Variants in OGFOD1 observed in about 807,000 individuals in gnomAD.
The protein encoded by OGFOD1 is 2-oxoglutarate and iron dependent oxygenase domain containing 1.
In OGFOD1, 54 loss-of-function variants were observed where a neutral mutation model predicts 67.7. The ratio of observed to expected loss-of-function variants is 0.80; its 90% CI spans 0.64 to 1.00. OGFOD1 has a LOEUF of 1.00. OGFOD1 is among the 50% of genes least tolerant of loss of function. The pLI is 0.00. For missense variants in OGFOD1, 606 were observed against 646.7 expected (o/e 0.94, Z 0.68); for synonymous variants, 221 against 227.0 (o/e 0.97, Z 0.24).
At position 56,474,824 on chromosome 16, in the gene OGFOD1, T is replaced by C. The variant is rs778011313; in HGVS notation, c.1286-4T>C. 24 of 1,592,866 alleles carry C rather than the reference T, an allele frequency of 1.5e-5. No homozygotes were observed. Among genetic ancestry groups the C allele is most frequent in the Non-Finnish European group, 2.0e-5 (23 of 1,173,216 alleles). On this transcript the variant is annotated splice_region_variant and splice_polypyrimidine_tract_variant and intron_variant, in intron 10 of 12. Transcript: ENST00000566157. ...AAGTTTCTCATCTTTTTTTTTTTCC[T>C]TAGAATCAAGTGTTCCCATGTGCCA...
chr16:56,467,463 G>A (rs1354479284), intron 7 of OGFOD1, among the ~76,000 whole-genome samples, 170 bp downstream of exon 7: 36 of 135,756 alleles, frequency 2.7e-4, no homozygotes, highest in African/African-American at 8.2e-4. Context: ...GTCTTGCTCC[G>A]TCACCCAGGC....
chr16:56,470,879 C>A, intron 10 of OGFOD1, 88 bp downstream of exon 10: 1 of 1,293,196 alleles, frequency 7.7e-7, no homozygotes, highest in Non-Finnish European at 1.0e-6. Context: ...TATTGAGCAT[C>A]TACTGTGCCC....
In OGFOD1 at chr16:56,466,197, C is replaced by T. The variant is rs1237122501; in HGVS notation, c.494C>T (p.Ala165Val). 1.2e-6 allele frequency: 2 copies of T among 1,613,956 alleles called. No individual in the cohort carries two copies. Among genetic ancestry groups the T allele is most frequent in the Non-Finnish European group, 1.7e-6 (2 of 1,179,976 alleles). Reference protein sequence around the residue: ...HDDELEGRRIAFILYLVPPWD... With the variant: ...HDDELEGRRIVFILYLVPPWD... ...GATGAGCTGGAAGGGCGCCGGATTG[C>T]CTTCATCCTGTACCTGGTTCCTCCC... is the stretch of plus-strand genomic sequence containing the variant. The change falls in exon 5 of 13, where the codon GCC becomes GTC. Residue 165 changes from alanine to valine, a missense_variant. By Grantham distance (64) the Ala-to-Val change is moderately conservative (BLOSUM62 0). Coordinates refer to ENST00000566157, the MANE Select transcript of OGFOD1 (RefSeq NM_018233.4).
At chr16:56,462,802 A>C (rs1360333092) in intron 4 of OGFOD1, among the ~76,000 whole-genome samples, 168 bp downstream of exon 4, 1 of 152,228 alleles carries the variant, frequency 6.6e-6, no homozygotes, top group Non-Finnish European at 1.5e-5. Flanking sequence ...CCTTATTGGA[A>C]GGCATAAGCA....
chr16:56,457,599 C>CT (rs11374664), intron 2 of OGFOD1, among the ~76,000 whole-genome samples: 91,845 of 151,360 alleles, frequency 0.61, 28,805 homozygotes, highest in African/African-American at 0.76. Flanking sequence ...ACTCCAATGA[C>CT]TTTTTTTTTC....
chr16:56,471,543 A>G (rs1305694033), intron 10 of OGFOD1, among the ~76,000 whole-genome samples: 1 of 152,190 alleles, frequency 6.6e-6, no homozygotes, highest in Admixed American at 6.5e-5. Flanking sequence ...TTCAGCTTAG[A>G]TGTTTCAGCA....
Position 56,468,332 on chromosome 16 carries a change from C to A in OGFOD1, c.900+314C>A, listed in dbSNP as rs567008521. On this transcript the variant is annotated intron_variant, in intron 8 of 12. Transcript: ENST00000566157. The stretch of plus-strand genomic sequence containing the variant: ...TATTCATCTAACAAATATGGTGCTT[C>A]TTATTACTTTTAAAAATAGATTACT... 2.0e-5 allele frequency among the ~76,000 whole-genome samples: 3 copies of A among 152,238 alleles called. No individual in the cohort carries two copies. In the South Asian group the frequency reaches 6.2e-4, roughly 32 times the overall value.
At position 56,466,284 on chromosome 16, in the gene OGFOD1, G is replaced by C; in HGVS notation, c.565+16G>C. On this transcript the variant is annotated intron_variant, in intron 5 of 12. Coordinates refer to ENST00000566157, the MANE Select transcript of OGFOD1 (RefSeq NM_018233.4). ...AGCATTGATGGTAAGATAAGTATAA[G>C]TGCATGCACTTCACCACCAGTGGCA... The C allele has an allele frequency of 6.6e-7, 1 of 1,519,666 alleles. No individual in the cohort carries two copies. The highest frequency in any genetic ancestry group is 1.1e-5 in the South Asian group (1 of 88,668). 94.1% of individuals were successfully genotyped at this position (1,519,666 alleles called of 1,614,324 possible).
Position 56,467,947 on chromosome 16 carries a change from A to G in OGFOD1, c.829A>G (p.Met277Val), listed in dbSNP as rs755151930. ...YDWINPTYLD[M>V]DYQVQIQEEF... is the part of the protein sequence containing the mutation. ...TTGGATCAACCCTACTTATCTGGACATGGATTACCAAGTTCAAATTCAAGA... is the reference window on the plus strand; with the variant it reads ...TTGGATCAACCCTACTTATCTGGACGTGGATTACCAAGTTCAAATTCAAGA... Residue 277 changes from methionine (M) to valine (V), a missense_variant, in exon 8 of 13, where the codon ATG becomes GTG. By Grantham distance (21) the Met-to-Val change is conservative. Coordinates refer to ENST00000566157, the MANE Select transcript of OGFOD1 (RefSeq NM_018233.4). 3 of 1,609,392 alleles carry G rather than the reference A, an allele frequency of 1.9e-6. No homozygotes were observed. Among genetic ancestry groups the G allele is most frequent in the Non-Finnish European group, 2.6e-6 (3 of 1,175,736 alleles).
chr16:56,453,435 C>A (rs757047191), intron 2 of OGFOD1, 27 bp downstream of exon 2: 1 of 1,598,482 alleles, frequency 6.3e-7, no homozygotes, highest in South Asian at 1.1e-5. Flanking sequence ...CACATTAACT[C>A]TTCCAGCTTG....
At chr16:56,453,580 G>C in intron 2 of OGFOD1, 172 bp downstream of exon 2, 3 of 588,156 alleles carry the variant, frequency 5.1e-6, no homozygotes, top group Non-Finnish European at 8.9e-6. Flanking sequence ...TGTTAACTAT[G>C]TGTTAAGTGC....
chr16:56,467,165 GTGTCTGAAGTGC>G lies in OGFOD1; in HGVS notation c.668_679del (p.Val223_Glu226del). On this transcript the variant is annotated inframe_deletion and splice_region_variant, in exon 7 of 13. Transcript: ENST00000566157. ...TGTGCTACTGGGCTTCTCCTTTCAG[GTGTCTGAAGTGC>G]TGTCTGAAGAAAAGTCACGTTTGTC... is the stretch of plus-strand genomic sequence containing the variant. 6.2e-7 allele frequency: 1 copy of G among 1,614,044 alleles called. No homozygotes were observed. The highest frequency in any genetic ancestry group is 8.5e-7 in the Non-Finnish European group (1 of 1,180,016).
At position 56,470,080 on chromosome 16, in the gene OGFOD1, A is replaced by G; in HGVS notation, c.978A>G (p.Lys326=). ...GGAGCAGCCGAGGTCCCCCTAACAAAAGGTAGAACCCGTCATCTGAGATAT... is the reference window on the plus strand; with the variant it reads ...GGAGCAGCCGAGGTCCCCCTAACAAGAGGTAGAACCCGTCATCTGAGATAT... ...VEWSSRGPPN[K]RFYEKAEESK... is the part of the protein sequence containing the mutation. The change falls in exon 9 of 13, where the codon AAA becomes AAG. Residue 326 remains lysine (K), a splice_region_variant and synonymous_variant. Transcript: ENST00000566157. 6.2e-7 allele frequency: 1 copy of G among 1,613,632 alleles called. No homozygotes were observed. The highest frequency in any genetic ancestry group is 8.5e-7 in the Non-Finnish European group (1 of 1,179,606).
intron 4 of OGFOD1, chr16:56,465,936 A>G: frequency 1.7e-5 from 8 of 461,740 alleles, no homozygotes; most frequent in South Asian, 2.8e-5. Flanking sequence ...ATCTGGATCT[A>G]TCTAATTATG....
At position 56,470,470 on chromosome 16, in the gene OGFOD1, A is replaced by G. The variant is rs1488011349; in HGVS notation, c.981-17A>G. On this transcript the variant is annotated splice_polypyrimidine_tract_variant and intron_variant, in intron 9 of 12. Coordinates refer to ENST00000566157, the MANE Select transcript of OGFOD1 (RefSeq NM_018233.4). ...ATCTGTGGCTTTGATGAACAACTTG[A>G]CATTGCTGTTTTTCAGGTTTTATGA... 2 of 1,586,564 alleles carry G rather than the reference A, an allele frequency of 1.3e-6. No homozygotes were observed. Among genetic ancestry groups the G allele is most frequent in the African/African-American group, 1.4e-5 (1 of 73,702 alleles).
chr16:56,468,029 CG>C lies in OGFOD1; in HGVS notation c.900+12del, dbSNP rs772020244. On this transcript the variant is annotated intron_variant, in intron 8 of 12. Transcript: ENST00000566157. ...AAGGAGTTTCTTAAGGTAAGCTTAGCGTATGTTGTTCTGAATATTTTGTTTG... is the reference window on the plus strand; with the variant it reads ...AAGGAGTTTCTTAAGGTAAGCTTAGCTATGTTGTTCTGAATATTTTGTTTG... The C allele has an allele frequency of 1.1e-5, 15 of 1,349,622 alleles. No individual in the cohort carries two copies. The highest frequency in any genetic ancestry group is 1.6e-5 in the Non-Finnish European group (15 of 939,424). 83.6% of individuals were successfully genotyped at this position (1,349,622 alleles called of 1,614,324 possible).
intron 2 of OGFOD1, among the ~76,000 whole-genome samples, chr16:56,456,876 C>T (rs1217219303): frequency 6.6e-6 from 1 of 152,200 alleles, no homozygotes; most frequent in African/African-American, 2.4e-5. Context: ...AATCACCTAA[C>T]AATAAATTTC....
Position 56,470,770 on chromosome 16 carries a change from G to C in OGFOD1, c.1264G>C (p.Glu422Gln). Residue 422 changes from glutamate to glutamine, a missense_variant, in exon 10 of 13, where the codon GAG becomes CAG. Transcript: ENST00000566157. Reference protein sequence around the residue: ...QSNEQTDPEPEENETKKESSV... With the variant: ...QSNEQTDPEPQENETKKESSV... Reference sequence around the variant, plus strand: ...CAATGAGCAGACAGACCCAGAGCCAGAGGAAAATGAAACAAAGAAAGGTAA... The same window carrying C: ...CAATGAGCAGACAGACCCAGAGCCACAGGAAAATGAAACAAAGAAAGGTAA... 6.3e-7 allele frequency: 1 copy of C among 1,596,690 alleles called. No individual in the cohort carries two copies. The highest frequency in any genetic ancestry group is 8.5e-7 in the Non-Finnish European group (1 of 1,172,734).
At chr16:56,469,831 CAAGAGTGAAACTCCATCTCAAA>C (rs1379237122) in intron 8 of OGFOD1, among the ~76,000 whole-genome samples, 150 bp from the exon 9 acceptor site, 2 of 96,550 alleles carry the variant, frequency 2.1e-5, no homozygotes, top group African/African-American at 7.9e-5. Context: ...GCCTGGGCAA[CAAGAGTGAAACTCCATCTCAAA>C]AAAAAAAAAA....
Sources: allele counts gnomAD v4.1 joint callset (sites outside exome capture counted in the v4.1 genomes callset), GRCh38; gene constraint gnomAD v4.1.1; transcripts MANE v1.5; gene names NCBI Gene and HGNC (gene_info 2026-07-23, HGNC 2026-07-21).